The following PRSS55 variants were observed in gnomAD, a reference collection of about 807,000 sequenced individuals.
The protein encoded by PRSS55 is probable serine protease UNQ9391/PRO34284.
PRSS55 carries 41 observed loss-of-function variants against 23.6 expected under a neutral mutation model. That is an observed-to-expected ratio of 1.74 (90% CI 1.35 to 2.26). The LOEUF (loss-of-function observed/expected upper bound fraction) is 2.26. Among genes scored for constraint, PRSS55 ranks in the 30% most tolerant of loss-of-function variants. The pLI is 0.00. For missense variants in PRSS55, 669 were observed against 439.1 expected (o/e 1.52, Z -4.68); for synonymous variants, 262 against 175.5 (o/e 1.49, Z -3.90).
chr8:10,551,128 G>A (rs1192976080), intron 4 of PRSS55, among the ~76,000 whole-genome samples: 1 of 152,188 alleles, frequency 6.6e-6, no homozygotes, highest in African/African-American at 2.4e-5. Flanking sequence ...TGAGAGGGCA[G>A]TGGAAGGATA....
chr8:10,526,336 A>G (rs1474124896), intron 1 of PRSS55, among the ~76,000 whole-genome samples: 3 of 152,208 alleles, frequency 2.0e-5, no homozygotes, highest in African/African-American at 7.2e-5. Flanking sequence ...GATTTGCCCA[A>G]AGTTGCCCCA....
chr8:10,538,484 TG>T lies in PRSS55; in HGVS notation c.756del (p.Pro253LeufsTer18), dbSNP rs751829343. ...ESYDACKGDS[G>X]GPLVCTPEPG... ...GTGTTCTCTGCCCACAGGGTGACAG[TG>T]GGGGGCCTCTGGTCTGCACCCCAGA... On this transcript the variant is annotated frameshift_variant, in exon 5 of 5. Transcript: ENST00000328655. LOFTEE classifies it low-confidence loss of function (END_TRUNC). 2 of 1,612,320 alleles carry T rather than the reference TG, an allele frequency of 1.2e-6. No individual in the cohort carries two copies. Among genetic ancestry groups the T allele is most frequent in the East Asian group, 4.5e-5 (2 of 44,860 alleles).
At position 10,529,522 on chromosome 8, in the gene PRSS55, C is replaced by G; in HGVS notation, c.170C>G (p.Ser57Cys). Residue 57 changes from serine to cysteine, a missense_variant, in exon 2 of 5, where the codon TCT (serine) becomes TGT (cysteine). Physicochemically the swap from Ser to Cys is moderately radical, Grantham distance 112 (BLOSUM62 -1). Coordinates refer to ENST00000328655, the MANE Select transcript of PRSS55 (RefSeq NM_198464.4). ...TTTCCACCAGAATGTGGTGACAGAT[C>G]TATTTTCGAGGGAAGAACTCGGTAT... ...PSPVSECGDR[S>C]IFEGRTRYSR... 1.2e-6 allele frequency: 2 copies of G among 1,614,196 alleles called. No homozygotes were observed. The highest frequency in any genetic ancestry group is 1.7e-6 in the Non-Finnish European group (2 of 1,180,004).
downstream of PRSS55, among the ~76,000 whole-genome samples, chr8:10,543,437 T>TTCCTTCCTTCCTTCCA (rs1554584944): frequency 4.4e-5 from 1 of 22,556 alleles, no homozygotes; most frequent in East Asian, 0.015. Flanking sequence ...CCTTCCTTCC[T>TTCCTTCCTTCCTTCCA]TCCTTCCATC....
At position 10,538,757 on chromosome 8, in the gene PRSS55, C is replaced by T. The variant is rs763834425; in HGVS notation, c.1023C>T (p.Pro341=). 3 of 1,604,270 alleles carry T rather than the reference C, an allele frequency of 1.9e-6. No individual in the cohort carries two copies. Among genetic ancestry groups the T allele is most frequent in the African/African-American group, 2.7e-5 (2 of 74,284 alleles). ...GSPRSWLLLC[P]LSHVLFRAIL... is the part of the protein sequence containing the mutation. Reference sequence around the variant, plus strand: ...CCAGATCCTGGCTCCTGCTCTGTCCCCTGTCCCATGTGTTGTTCAGAGCTA... The same window carrying T: ...CCAGATCCTGGCTCCTGCTCTGTCCTCTGTCCCATGTGTTGTTCAGAGCTA... The change falls in exon 5 of 5, where the codon CCC becomes CCT. Residue 341 remains proline, a synonymous_variant. Transcript: ENST00000328655.
At chr8:10,536,886 G>T (rs1812474511) in intron 4 of PRSS55, among the ~76,000 whole-genome samples, 1 of 152,130 alleles carries the variant, frequency 6.6e-6, no homozygotes, top group Non-Finnish European at 1.5e-5. Context: ...TATGAAGAGG[G>T]TAAGTAAGGT....
chr8:10,548,001 C>T (rs1230445635), intron 4 of PRSS55, among the ~76,000 whole-genome samples: 1 of 152,046 alleles, frequency 6.6e-6, no homozygotes, highest in Non-Finnish European at 1.5e-5. Context: ...CTTCCTACCC[C>T]AGGTCACAGG....
intron 4 of PRSS55, 57 bp downstream of exon 4, chr8:10,533,105 G>A (rs1402727401): frequency 9.6e-6 from 15 of 1,565,970 alleles, no homozygotes; most frequent in Non-Finnish European, 1.3e-5. Context: ...GGAACTGCCA[G>A]TGCAAGGGTA....
At chr8:10,551,150 C>T (rs1255794630) in intron 4 of PRSS55, among the ~76,000 whole-genome samples, 2 of 152,190 alleles carry the variant, frequency 1.3e-5, no homozygotes, top group African/African-American at 4.8e-5. Flanking sequence ...CCTTTAAAAG[C>T]TGTCTGTGCT....
chr8:10,533,283 G>C (rs1282371417), intron 4 of PRSS55, among the ~76,000 whole-genome samples: 1 of 152,024 alleles, frequency 6.6e-6, no homozygotes, highest in South Asian at 2.1e-4. Context: ...ATCTTCTTCA[G>C]GTACACTAGG....
intron 4 of PRSS55, among the ~76,000 whole-genome samples, chr8:10,544,114 A>C (rs533139199): frequency 1.4e-4 from 21 of 151,250 alleles, no homozygotes; most frequent in African/African-American, 5.1e-4. Context: ...ATTATTTAAC[A>C]TGAGATTTAA....
At chr8:10,540,800 A>T (rs1404768832), downstream of PRSS55, 1 of 152,180 alleles carries the variant, frequency 6.6e-6, no homozygotes, top group Non-Finnish European at 1.5e-5. Flanking sequence ...TACAGCTACA[A>T]TGTCTAGAAG....
In PRSS55 at chr8:10,525,719, A is replaced by G. The variant is rs918897905; in HGVS notation, c.134A>G (p.His45Arg). Reference protein sequence around the residue: ...ARGAHRPQPPHPPSPVSECGD... With the variant: ...ARGAHRPQPPRPPSPVSECGD... ...GGAGCCCACCGCCCTCAGCCCCCTC[A>G]TCCCCCCAGCCCAGTCAGTGGTGAG... The change falls in exon 1 of 5, where the codon CAT becomes CGT. Residue 45 changes from histidine to arginine, a missense_variant. By Grantham distance (29) the His-to-Arg change is conservative. Transcript: ENST00000328655. 1 of 1,609,764 alleles carries G rather than the reference A, an allele frequency of 6.2e-7. No individual in the cohort carries two copies. The highest frequency in any genetic ancestry group is 1.7e-5 in the Admixed American group (1 of 59,306).
At chr8:10,527,376 C>A (rs4602852) in intron 1 of PRSS55, among the ~76,000 whole-genome samples, 148,867 of 152,332 alleles carry the variant, frequency 0.98, 72,839 homozygotes, top group Middle Eastern at 1. Flanking sequence ...ATCAGGGAAT[C>A]AGCCCACAAG....
At position 10,538,552 on chromosome 8, in the gene PRSS55, G is replaced by C. The variant is rs1278244903; in HGVS notation, c.818G>C (p.Gly273Ala). 6.2e-7 allele frequency: 1 copy of C among 1,614,026 alleles called. No individual in the cohort carries two copies. The highest frequency in any genetic ancestry group is 2.2e-5 in the East Asian group (1 of 44,900). ...KWYQVGIISW[G>A]KSCGEKNTPG... ...TACCAGGTGGGCATCATAAGCTGGG[G>C]AAAGAGCTGTGGAGAGAAGAACACC... The change falls in exon 5 of 5, where the codon GGA becomes GCA. Residue 273 changes from glycine (G) to alanine (A), a missense_variant. Physicochemically the swap from Gly to Ala is moderately conservative, Grantham distance 60 (BLOSUM62 0). Coordinates refer to ENST00000328655, the MANE Select transcript of PRSS55 (RefSeq NM_198464.4).
chr8:10,534,387 T>C (rs1311828043), intron 4 of PRSS55, among the ~76,000 whole-genome samples: 1 of 152,166 alleles, frequency 6.6e-6, no homozygotes, highest in Non-Finnish European at 1.5e-5. Context: ...TGATTAGAGT[T>C]TGTTATAATA....
chr8:10,554,005 G>A (rs771723106), exon 5 of PRSS55: 1 of 1,529,930 alleles, frequency 6.5e-7, no homozygotes, highest in African/African-American at 1.4e-5. Flanking sequence ...AGCCGCCTGG[G>A]TCTCACACCT....
chr8:10,543,447 C>T (rs1414890801), downstream of PRSS55, among the ~76,000 whole-genome samples: 3,232 of 22,020 alleles, frequency 0.15, 180 homozygotes, highest in Middle Eastern at 0.28. Context: ...TTCCTTCCAT[C>T]CTTCCTTCCT....
intron 4 of PRSS55, 41 bp downstream of exon 4, chr8:10,533,089 C>G (rs766475253): frequency 6.2e-7 from 1 of 1,603,170 alleles, no homozygotes; most frequent in Non-Finnish European, 8.5e-7. Context: ...AGGTCCTCAC[C>G]CTCTGGGAAC....
Sources: gnomAD v4.1 joint callset for allele counts (sites outside exome capture counted in the v4.1 genomes callset) on GRCh38, gnomAD v4.1.1 for gene constraint, MANE v1.5 for transcripts, NCBI Gene and HGNC (gene_info 2026-07-23, HGNC 2026-07-21) for gene names.